Variants in KCNH7 observed in about 807,000 individuals in gnomAD.
KCNH7 encodes voltage-gated inwardly rectifying potassium channel KCNH7.
KCNH7 carries 49 observed loss-of-function variants against 120.8 expected under a neutral mutation model. That is an observed-to-expected ratio of 0.41 (90% CI 0.32 to 0.51). The LOEUF (loss-of-function observed/expected upper bound fraction) is 0.51. Ranked by LOEUF, KCNH7 falls within the 20% of genes least tolerant of loss-of-function variation. The probability of loss-of-function intolerance (pLI) is 0.38; values close to 1 mark genes in which losing one functional copy is unlikely to be tolerated. For synonymous variants in KCNH7, 547 were observed against 516.1 expected (o/e 1.06, Z -0.81); for missense variants, 1,097 against 1,446.6 (o/e 0.76, Z 3.92).
At chr2:162,480,273 G>A (rs1446895409) in intron 6 of KCNH7, among the ~76,000 whole-genome samples, 1 of 152,072 alleles carries the variant, frequency 6.6e-6, no homozygotes, top group Non-Finnish European at 1.5e-5. Context: ...GTAAACACAG[G>A]AAGCTCCTCA....
chr2:162,600,603 A>G (rs1694519601), intron 2 of KCNH7, among the ~76,000 whole-genome samples: 2 of 152,000 alleles, frequency 1.3e-5, no homozygotes, highest in East Asian at 3.9e-4. Context: ...GAGCCTTTCA[A>G]AGTCAGCTCT....
chr2:162,406,557 A>C (rs1687230579), intron 9 of KCNH7, among the ~76,000 whole-genome samples: 1 of 151,940 alleles, frequency 6.6e-6, no homozygotes, highest in Non-Finnish European at 1.5e-5. Flanking sequence ...AATATACTTA[A>C]ATCTTGACAA....
chr2:162,617,246 G>A (rs759498502), intron 2 of KCNH7, among the ~76,000 whole-genome samples: 2 of 152,126 alleles, frequency 1.3e-5, no homozygotes, highest in Admixed American at 6.5e-5. Context: ...TTGGGAGGCC[G>A]AGGTGGGCAG....
chr2:162,751,054 G>GAGCATGATTCTTCCCCC (rs139880303), intron 2 of KCNH7, among the ~76,000 whole-genome samples: 43,358 of 151,612 alleles, frequency 0.29, 10,542 homozygotes, highest in African/African-American at 0.65. Context: ...ACTATTTCCT[G>GAGCATGATTCTTCCCCC]AGCACTCTTA....
chr2:162,632,080 A>G (rs1237282448), intron 2 of KCNH7, among the ~76,000 whole-genome samples: 1 of 152,024 alleles, frequency 6.6e-6, no homozygotes, highest in Non-Finnish European at 1.5e-5. Flanking sequence ...GAGGAAGGAA[A>G]AAAGCTGCCC....
At chr2:162,666,735 T>A (rs74442224) in intron 2 of KCNH7, among the ~76,000 whole-genome samples, 5,487 of 152,228 alleles carry the variant, frequency 0.036, 344 homozygotes, top group African/African-American at 0.12. Context: ...ATTTGCTAAC[T>A]TCTTGATCAC....
chr2:162,477,920 A>T (rs996142974), intron 6 of KCNH7, among the ~76,000 whole-genome samples: 1 of 151,042 alleles, frequency 6.6e-6, no homozygotes, highest in Admixed American at 6.6e-5. Context: ...AACAAAAAAG[A>T]CACAGCCCCT....
chr2:162,575,030 A>C (rs973648664), intron 2 of KCNH7, among the ~76,000 whole-genome samples: 3 of 152,056 alleles, frequency 2.0e-5, no homozygotes, highest in African/African-American at 7.2e-5. Flanking sequence ...TTACTCCTTC[A>C]ATGTTTCAGT....
At chr2:162,487,709 G>C (rs1374393150) in intron 6 of KCNH7, among the ~76,000 whole-genome samples, 1 of 152,170 alleles carries the variant, frequency 6.6e-6, no homozygotes, top group African/African-American at 2.4e-5. Flanking sequence ...AATAGAGCTA[G>C]AGGGGGAAAA....
intron 6 of KCNH7, among the ~76,000 whole-genome samples, chr2:162,457,864 G>A (rs1439152835): frequency 2.0e-5 from 3 of 152,048 alleles, no homozygotes; most frequent in Non-Finnish European, 4.4e-5. Flanking sequence ...AGGCTTTTCA[G>A]CATATGATTT....
In KCNH7 at chr2:162,400,383, G is replaced by T. The variant is rs1687034547; in HGVS notation, c.2213C>A (p.Thr738Lys). 1 of 1,612,154 alleles carries T rather than the reference G, an allele frequency of 6.2e-7. No homozygotes were observed. Among genetic ancestry groups the T allele is most frequent in the African/African-American group, 1.3e-5 (1 of 74,776 alleles). Reference sequence around the variant, plus strand: ...AAAGGCTTTGCAGTTTTGCAGCAATGTCTGGTTGAGATGTAGACAAATGTC... The same window carrying T: ...AAAGGCTTTGCAGTTTTGCAGCAATTTCTGGTTGAGATGTAGACAAATGTC... ...QADICLHLNQ[T>K]LLQNCKAFRG... The change falls in exon 10 of 16, where the codon ACA becomes AAA. Residue 738 changes from threonine to lysine, a missense_variant. Transcript: ENST00000332142.
At chr2:162,510,325 C>T (rs561406730) in intron 5 of KCNH7, among the ~76,000 whole-genome samples, 1 of 151,652 alleles carries the variant, frequency 6.6e-6, no homozygotes, top group East Asian at 2.0e-4. Context: ...TGTCTTTTTA[C>T]TGTGATATTG....
intron 2 of KCNH7, among the ~76,000 whole-genome samples, chr2:162,622,019 T>C (rs1683381037): frequency 6.6e-6 from 1 of 152,214 alleles, no homozygotes; most frequent in Non-Finnish European, 1.5e-5. Flanking sequence ...TCTCTCTTGA[T>C]ATATAGTTTG....
At chr2:162,652,969 C>T (rs1344950918) in intron 2 of KCNH7, among the ~76,000 whole-genome samples, 1 of 152,168 alleles carries the variant, frequency 6.6e-6, no homozygotes, top group African/African-American at 2.4e-5. Context: ...TACCATTGAG[C>T]GGTAAGGCCT....
intron 15 of KCNH7, among the ~76,000 whole-genome samples, chr2:162,372,889 T>C (rs1310682111): frequency 6.6e-6 from 1 of 152,190 alleles, no homozygotes; most frequent in Non-Finnish European, 1.5e-5. Flanking sequence ...AAAGGACTCT[T>C]TAAATTGCTT....
chr2:162,694,262 A>T (rs1686211468), intron 2 of KCNH7, among the ~76,000 whole-genome samples: 1 of 152,164 alleles, frequency 6.6e-6, no homozygotes, highest in South Asian at 2.1e-4. Flanking sequence ...GGCTTTTACA[A>T]CTACTAGAAA....
intron 2 of KCNH7, among the ~76,000 whole-genome samples, chr2:162,567,351 G>C (rs1389572701): frequency 6.6e-6 from 1 of 151,866 alleles, no homozygotes; most frequent in African/African-American, 2.4e-5. Flanking sequence ...ATTTGGTGAG[G>C]CTAACAAGGT....
chr2:162,766,978 A>G (rs908467161), intron 2 of KCNH7, among the ~76,000 whole-genome samples: 1 of 152,040 alleles, frequency 6.6e-6, no homozygotes, highest in Non-Finnish European at 1.5e-5. Flanking sequence ...GGCTTTAAAA[A>G]AATTTAACAA....
intron 6 of KCNH7, among the ~76,000 whole-genome samples, chr2:162,501,043 C>A (rs1007744540): frequency 1.3e-5 from 2 of 152,012 alleles, no homozygotes; most frequent in Non-Finnish European, 2.9e-5. Context: ...AGAGGCTATG[C>A]CTGCAGGAGG....
Sources: allele counts gnomAD v4.1 joint callset (sites outside exome capture counted in the v4.1 genomes callset), GRCh38; gene constraint gnomAD v4.1.1; transcripts MANE v1.5; gene names NCBI Gene and HGNC (gene_info 2026-07-23, HGNC 2026-07-21).